The following NR4A3 variants were observed in gnomAD, a reference collection of about 807,000 sequenced individuals.
The protein encoded by NR4A3 is nuclear receptor subfamily 4 group A member 3.
In NR4A3, 13 loss-of-function variants were observed where a neutral mutation model predicts 55.6. The observed-to-expected ratio is 0.23, with a 90% CI of 0.15 to 0.37. The LOEUF (loss-of-function observed/expected upper bound fraction) is 0.37. Ranked by LOEUF, NR4A3 falls within the 10% of genes least tolerant of loss-of-function variation. The pLI is 1.00. For missense variants in NR4A3, 646 were observed against 822.8 expected, an observed-to-expected ratio of 0.79 and a Z score of 2.63; for synonymous variants, 342 against 357.9, an observed-to-expected ratio of 0.96 and a Z score of 0.50.
rs1564041245 is a variant in NR4A3 at position 99,862,582 on chromosome 9, A to AAGAG, written c.1634-1032_1634-1029dup. 7.7e-5 allele frequency among the ~76,000 whole-genome samples: 9 copies of AAGAG among 116,190 alleles called. No homozygotes were observed. The East Asian group carries it at 1.3e-3, about 17-fold the overall frequency. 76.2% of individuals were successfully genotyped at this position (116,190 alleles called of 152,430 possible). A position where few individuals can be genotyped will look rare whatever the true frequency, so the allele number is the denominator to read the frequency against. On this transcript the variant is annotated intron_variant, in intron 7 of 7. Coordinates refer to ENST00000395097, the MANE Select transcript of NR4A3 (RefSeq NM_006981.4). Reference sequence around the variant, plus strand: ...AAAAAAAAAAAAAAAAAAAAAAAAAAAGAGAGAGAAATGAGGCTCTGAAGT... The same window carrying AAGAG: ...AAAAAAAAAAAAAAAAAAAAAAAAAAAGAGAGAGAGAGAAATGAGGCTCTGAAGT...
Position 99,822,879 on chromosome 9 carries a change from G to A in NR4A3, c.-177+472G>A, listed in dbSNP as rs1386157092. ...GTGGGTCCAAGTAAATGTTGCTAAT[G>A]GTGGCACCGAGCTGGTTCTCTGGAA... On this transcript the variant is annotated intron_variant, in intron 1 of 7. Coordinates refer to ENST00000395097, the MANE Select transcript of NR4A3 (RefSeq NM_006981.4). This position sits in a 1 kb window ranked among gnomAD's most constrained non-coding sequence, Gnocchi z 4.9. Among the ~76,000 whole-genome samples, 1 of 152,144 alleles carries A rather than the reference G, an allele frequency of 6.6e-6. No individual in the cohort carries two copies. The highest frequency in any genetic ancestry group is 1.5e-5 in the Non-Finnish European group (1 of 68,016).
chr9:99,843,716 G>T (rs1465149665), intron 5 of NR4A3, among the ~76,000 whole-genome samples: 1 of 150,476 alleles, frequency 6.6e-6, no homozygotes, highest in Non-Finnish European at 1.5e-5. Context: ...TACCCCCAGA[G>T]TTTCTAATTC....
Position 99,825,777 on chromosome 9 carries a change from A to T in NR4A3, c.-58A>T, listed in dbSNP as rs961042834. On this transcript the variant is annotated 5_prime_UTR_variant, in exon 2 of 8. Transcript: ENST00000395097. This position sits in a 1 kb window ranked among gnomAD's most constrained non-coding sequence, Gnocchi z 5.0. ...GGACGTCCGCTCCTCCTACACTCTC[A>T]GCCTCCGCTGGAGAGACCCCCAGCC... The T allele has an allele frequency of 5.9e-6, 1 of 168,354 alleles. No individual in the cohort carries two copies. The highest frequency in any genetic ancestry group is 2.4e-5 in the African/African-American group (1 of 41,920). 10.4% of individuals were successfully genotyped at this position (168,354 alleles called of 1,614,324 possible).
intron 1 of NR4A3, among the ~76,000 whole-genome samples, chr9:99,823,748 G>A (rs1401134415): frequency 3.7e-4 from 56 of 151,216 alleles, no homozygotes; most frequent in Middle Eastern, 3.4e-3. Context: ...CCACCCCCCG[G>A]CACCCATCCA....
intron 7 of NR4A3, among the ~76,000 whole-genome samples, chr9:99,859,806 A>C (rs1827980768): frequency 6.6e-6 from 1 of 152,234 alleles, no homozygotes; most frequent in African/African-American, 2.4e-5. Flanking sequence ...CTGATGATGA[A>C]TATGAGATCT....
chr9:99,852,535 C>A (rs1827867062), intron 7 of NR4A3, among the ~76,000 whole-genome samples: 1 of 152,118 alleles, frequency 6.6e-6, no homozygotes, highest in Non-Finnish European at 1.5e-5. Context: ...AACCTCAGAG[C>A]AAAACGCTTT....
At chr9:99,826,723 C>A in intron 2 of NR4A3, 1 of 1,588,308 alleles carries the variant, frequency 6.3e-7, no homozygotes, top group South Asian at 1.1e-5. Context: ...ACTGCTTCTT[C>A]CAACAGGCCC....
chr9:99,861,402 C>T (rs1438011004), intron 7 of NR4A3, among the ~76,000 whole-genome samples: 1 of 152,136 alleles, frequency 6.6e-6, no homozygotes, highest in Non-Finnish European at 1.5e-5. Flanking sequence ...CACTTGTAAT[C>T]CCAGCTACTT....
chr9:99,857,979 C>G (rs1026936774), intron 7 of NR4A3, among the ~76,000 whole-genome samples: 3 of 152,100 alleles, frequency 2.0e-5, no homozygotes, highest in African/African-American at 7.2e-5. Flanking sequence ...TCTTGATCCT[C>G]TATGTATCAA....
At position 99,865,727 on chromosome 9, in the gene NR4A3, T is replaced by G. The variant is rs1007685028; in HGVS notation, c.*1860T>G. 1 of 206,494 alleles carries G rather than the reference T, an allele frequency of 4.8e-6. No individual in the cohort carries two copies. Among genetic ancestry groups the G allele is most frequent in the Non-Finnish European group, 9.9e-6 (1 of 100,924 alleles). 12.8% of individuals were successfully genotyped at this position (206,494 alleles called of 1,614,324 possible). ...ACAAATGCCAAATGAATTGCCTAAT[T>G]GCTGCAAAGTATAACCCAGATAGGA... On this transcript the variant is annotated 3_prime_UTR_variant, in exon 8 of 8. Coordinates refer to ENST00000395097, the MANE Select transcript of NR4A3 (RefSeq NM_006981.4). The surrounding 1 kb of genome is among the most constrained non-coding windows in gnomAD (Gnocchi z 4.3).
At position 99,828,320 on chromosome 9, in the gene NR4A3, G is replaced by A; in HGVS notation, c.278G>A (p.Ser93Asn). 5 of 1,611,220 alleles carry A rather than the reference G, an allele frequency of 3.1e-6. No individual in the cohort carries two copies. The highest frequency in any genetic ancestry group is 3.4e-6 in the Non-Finnish European group (4 of 1,179,196). The change falls in exon 3 of 8, where the codon AGC (serine) becomes AAC (asparagine). Residue 93 changes from serine (S) to asparagine (N), a missense_variant. Ser to Asn is a conservative substitution (Grantham distance 46). Coordinates refer to ENST00000395097, the MANE Select transcript of NR4A3 (RefSeq NM_006981.4). The surrounding 1 kb of genome is among the most constrained non-coding windows in gnomAD (Gnocchi z 7.7). ...LIKVEEGRAP[S>N]YHHHHHHHHH... ...AAAGTGGAGGAGGGGCGGGCGCCCA[G>A]CTACCATCACCATCACCACCACCAC...
At position 99,828,789 on chromosome 9, in the gene NR4A3, G is replaced by A. The variant is rs1827375300; in HGVS notation, c.747G>A (p.Lys249=). The part of the protein sequence containing the change: ...ESHPYGLPLA[K]RAAPLAFPPL... ...ACCCGTACGGGCTGCCGCTGGCCAA[G>A]AGGGCGGCCCCGCTGGCCTTCCCGC... The change falls in exon 3 of 8, where the codon AAG becomes AAA. Residue 249 remains lysine (K), a synonymous_variant. Transcript: ENST00000395097. The surrounding 1 kb of genome is among the most constrained non-coding windows in gnomAD (Gnocchi z 7.7). The A allele has an allele frequency of 2.1e-6, 3 of 1,461,048 alleles. No individual in the cohort carries two copies. The highest frequency in any genetic ancestry group is 2.4e-5 in the Admixed American group (1 of 41,368). 90.5% of individuals were successfully genotyped at this position (1,461,048 alleles called of 1,614,324 possible).
intron 2 of NR4A3, chr9:99,826,670 G>T (rs573463792): frequency 1.0e-6 from 1 of 983,452 alleles, no homozygotes; most frequent in Non-Finnish European, 1.6e-6. Flanking sequence ...TATTTTTAAG[G>T]CCCTGCTTGT....
At chr9:99,842,446 A>G (rs1452433066) in intron 5 of NR4A3, among the ~76,000 whole-genome samples, 5 of 152,182 alleles carry the variant, frequency 3.3e-5, no homozygotes, top group Non-Finnish European at 7.4e-5. Context: ...TAAAGATTTC[A>G]TAGGCCAGAC....
At position 99,822,801 on chromosome 9, in the gene NR4A3, T is replaced by C. The variant is rs1018462121; in HGVS notation, c.-177+394T>C. On this transcript the variant is annotated intron_variant, in intron 1 of 7. Transcript: ENST00000395097. The surrounding 1 kb of genome is among the most constrained non-coding windows in gnomAD (Gnocchi z 4.9). ...CGGCAGGGAGTTGCAGCTCCGGTGA[T>C]GAACGGCAGTAATTTTCCTGCCTTT... 2.0e-5 allele frequency among the ~76,000 whole-genome samples: 3 copies of C among 152,166 alleles called. No homozygotes were observed. The highest frequency in any genetic ancestry group is 2.0e-4 in the Admixed American group (3 of 15,278).
chr9:99,826,895 G>T, intron 2 of NR4A3: 4 of 1,259,956 alleles, frequency 3.2e-6, no homozygotes, highest in Non-Finnish European at 4.6e-6. Context: ...TTAAGCACCT[G>T]GTTTTCCTTT....
chr9:99,830,271 A>G (rs778904512), intron 3 of NR4A3, among the ~76,000 whole-genome samples: 2 of 152,202 alleles, frequency 1.3e-5, no homozygotes, highest in Non-Finnish European at 2.9e-5. Flanking sequence ...CCACCTTCCA[A>G]TTGTATCATG....
At chr9:99,862,502 A>G (rs1828023215) in intron 7 of NR4A3, among the ~76,000 whole-genome samples, 1 of 140,626 alleles carries the variant, frequency 7.1e-6, no homozygotes, top group East Asian at 2.3e-4. Context: ...GTGAGCCAAG[A>G]TCGCACCACT....
At chr9:99,841,149 T>C (rs994044163) in intron 5 of NR4A3, among the ~76,000 whole-genome samples, 8 of 151,518 alleles carry the variant, frequency 5.3e-5, no homozygotes, top group South Asian at 2.1e-4. Context: ...GAGACTCGCT[T>C]GAACCCGGGA....
Sources: allele counts gnomAD v4.1 joint callset (sites outside exome capture counted in the v4.1 genomes callset), GRCh38; gene constraint gnomAD v4.1.1; non-coding constraint Gnocchi (gnomAD v3.1); transcripts MANE v1.5; gene names NCBI Gene and HGNC (gene_info 2026-07-23, HGNC 2026-07-21).